MIPOL1: variants seen among roughly 807,000 people sequenced by gnomAD.
MIPOL1 encodes mirror-image polydactyly gene 1 protein.
In MIPOL1, 57 loss-of-function variants were observed where a neutral mutation model predicts 60.9. The observed-to-expected ratio is 0.94, with a 90% CI of 0.76 to 1.17. The LOEUF is 1.17. Ranked by LOEUF, MIPOL1 falls within the 50% of genes most tolerant of loss-of-function variation. The pLI, the probability that MIPOL1 is intolerant of heterozygous loss-of-function variation, is 0.00. For synonymous variants in MIPOL1, 179 were observed against 168.8 expected (o/e 1.06, Z -0.47); for missense variants, 551 against 511.6 (o/e 1.08, Z -0.74).
chr14:37,539,699 G>A (rs145735752), intron 12 of MIPOL1, among the ~76,000 whole-genome samples: 253 of 152,270 alleles, frequency 1.7e-3, no homozygotes, highest in African/African-American at 5.6e-3. Flanking sequence ...CCTCATAAAG[G>A]AAATCAAGTA....
chr14:37,310,220 C>T (rs1257154103), intron 9 of MIPOL1, among the ~76,000 whole-genome samples: 2 of 152,028 alleles, frequency 1.3e-5, no homozygotes, highest in Non-Finnish European at 1.5e-5. Flanking sequence ...ATCTTCACAG[C>T]TTTGTAAGGC....
At chr14:37,274,880 C>CA (rs1165148300) in intron 6 of MIPOL1, among the ~76,000 whole-genome samples, 1 of 151,096 alleles carries the variant, frequency 6.6e-6, no homozygotes, top group East Asian at 1.9e-4. Flanking sequence ...AGGACATACT[C>CA]AAAGTGTTCC....
chr14:37,394,213 C>T (rs544015346), intron 10 of MIPOL1, among the ~76,000 whole-genome samples: 1 of 151,010 alleles, frequency 6.6e-6, no homozygotes, highest in African/African-American at 2.4e-5. Flanking sequence ...GTGAATTTTG[C>T]TGCTATGAAC....
At chr14:37,456,476 A>C (rs1410110735) in intron 11 of MIPOL1, among the ~76,000 whole-genome samples, 4 of 152,130 alleles carry the variant, frequency 2.6e-5, no homozygotes, top group Non-Finnish European at 5.9e-5. Context: ...TAAAGGAAAT[A>C]CAATTTTTAT....
At chr14:37,270,322 T>C (rs1171902437) in intron 5 of MIPOL1, 98 bp from the exon 6 acceptor site, 4 of 539,680 alleles carry the variant, frequency 7.4e-6, no homozygotes, top group Admixed American at 3.8e-5. Flanking sequence ...TTAAATATAA[T>C]ATAAGAATTA....
At chr14:37,435,747 A>G (rs2094153034) in intron 11 of MIPOL1, among the ~76,000 whole-genome samples, 1 of 152,086 alleles carries the variant, frequency 6.6e-6, no homozygotes, top group Non-Finnish European at 1.5e-5. Context: ...TTCATTTCAT[A>G]CCCTAATAAA....
intron 10 of MIPOL1, among the ~76,000 whole-genome samples, chr14:37,384,179 T>C (rs1041223154): frequency 1.3e-5 from 2 of 151,974 alleles, no homozygotes; most frequent in Non-Finnish European, 2.9e-5. Flanking sequence ...ACAACATTAT[T>C]ATTTTGTCTC....
At chr14:37,357,216 T>G (rs1173024528) in intron 9 of MIPOL1, among the ~76,000 whole-genome samples, 1 of 152,220 alleles carries the variant, frequency 6.6e-6, no homozygotes, top group Non-Finnish European at 1.5e-5. Context: ...CTAACTTACA[T>G]TCTCACCAAC....
At chr14:37,427,037 A>G (rs946092588) in intron 11 of MIPOL1, among the ~76,000 whole-genome samples, 1 of 152,116 alleles carries the variant, frequency 6.6e-6, no homozygotes. Flanking sequence ...CAGAATTACC[A>G]TATGATCTAG....
chr14:37,345,536 C>T (rs2153465692), intron 9 of MIPOL1, among the ~76,000 whole-genome samples: 1 of 152,172 alleles, frequency 6.6e-6, no homozygotes, highest in South Asian at 2.1e-4. Context: ...TCAAGTTGGC[C>T]TCTGAGTTTT....
intron 12 of MIPOL1, among the ~76,000 whole-genome samples, chr14:37,515,992 C>G (rs910135703): frequency 6.6e-6 from 1 of 152,150 alleles, no homozygotes; most frequent in South Asian, 2.1e-4. Context: ...AGTCCGGCTT[C>G]ATTGATGCGA....
At chr14:37,537,921 T>G (rs1050144085) in intron 12 of MIPOL1, among the ~76,000 whole-genome samples, 1 of 152,246 alleles carries the variant, frequency 6.6e-6, no homozygotes, top group Non-Finnish European at 1.5e-5. Context: ...AAACTTCTGC[T>G]TCTGTGTCAC....
At chr14:37,480,384 G>C (rs528172518) in intron 11 of MIPOL1, among the ~76,000 whole-genome samples, 9 of 152,060 alleles carry the variant, frequency 5.9e-5, no homozygotes, top group Non-Finnish European at 1.2e-4. Context: ...GGGATGCAAG[G>C]ATGGTGAAAC....
At chr14:37,265,552 A>G (rs141570848) in intron 3 of MIPOL1, among the ~76,000 whole-genome samples, 16 of 152,322 alleles carry the variant, frequency 1.1e-4, no homozygotes, top group Middle Eastern at 3.4e-3. Flanking sequence ...TTTGAATACT[A>G]ATATAGTGTA....
At chr14:37,343,036 A>G (rs1001543153) in intron 9 of MIPOL1, among the ~76,000 whole-genome samples, 2 of 150,390 alleles carry the variant, frequency 1.3e-5, no homozygotes, top group African/African-American at 2.4e-5. Flanking sequence ...ATGTCATTGC[A>G]TGGCATATAT....
At chr14:37,373,464 A>C (rs2092695790) in intron 10 of MIPOL1, among the ~76,000 whole-genome samples, 1 of 151,800 alleles carries the variant, frequency 6.6e-6, no homozygotes, top group Non-Finnish European at 1.5e-5. Context: ...TTTGTTACAC[A>C]GGTATACACA....
chr14:37,386,773 T>G (rs1014211440), intron 10 of MIPOL1, among the ~76,000 whole-genome samples: 3 of 151,958 alleles, frequency 2.0e-5, no homozygotes, highest in African/African-American at 7.2e-5. Flanking sequence ...TTAATTAATA[T>G]GTCACCATGT....
At chr14:37,345,297 A>T (rs1434409462) in intron 9 of MIPOL1, among the ~76,000 whole-genome samples, 1 of 152,062 alleles carries the variant, frequency 6.6e-6, no homozygotes, top group African/African-American at 2.4e-5. Context: ...GTAGAGACAA[A>T]GTCTCGCTAC....
intron 3 of MIPOL1, among the ~76,000 whole-genome samples, chr14:37,258,188 A>G (rs1975277280): frequency 6.6e-6 from 1 of 152,180 alleles, no homozygotes; most frequent in Non-Finnish European, 1.5e-5. Context: ...AAATCTAAAT[A>G]TATTCTTAAA....
Sources: gnomAD v4.1 joint callset for allele counts (sites outside exome capture counted in the v4.1 genomes callset) on GRCh38, gnomAD v4.1.1 for gene constraint, MANE v1.5 for transcripts, NCBI Gene and HGNC (gene_info 2026-07-23, HGNC 2026-07-21) for gene names.